Variants in HEPHL1 observed in about 807,000 individuals in gnomAD.
HEPHL1 encodes ferroxidase HEPHL1.
A neutral mutation model predicts 122.0 loss-of-function variants in HEPHL1; 123 were observed. The ratio of observed to expected loss-of-function variants is 1.01; its 90% CI spans 0.87 to 1.17. The LOEUF is 1.17. HEPHL1 is among the 50% of genes most tolerant of loss of function. The probability of loss-of-function intolerance (pLI) is 0.00; values close to 1 mark genes in which losing one functional copy is unlikely to be tolerated. For synonymous variants in HEPHL1, 527 were observed against 508.9 expected, an observed-to-expected ratio of 1.04 and a Z score of -0.48; for missense variants, 1,452 against 1,430.5, an observed-to-expected ratio of 1.01 and a Z score of -0.24.
intron 11 of HEPHL1, among the ~76,000 whole-genome samples, chr11:94,087,377 G>C (rs765279773): frequency 6.6e-6 from 1 of 152,102 alleles, no homozygotes; most frequent in Non-Finnish European, 1.5e-5. Flanking sequence ...CATTTCTAAA[G>C]AGCTTCACAA....
In HEPHL1 at chr11:94,085,082, G is replaced by C. The variant is rs375812317; in HGVS notation, c.1868-895G>C. Among the ~76,000 whole-genome samples, 37 of 152,236 alleles carry C rather than the reference G, an allele frequency of 2.4e-4. No individual in the cohort carries two copies. The East Asian group carries it at 5.8e-3, about 24-fold the overall frequency. ...TATAGGCTTAGTAGAGAGCAGGAGG[G>C]GGGTAGAAATATTTATTTCTCCAAG... is the stretch of plus-strand genomic sequence containing the variant. On this transcript the variant is annotated intron_variant, in intron 10 of 19. Transcript: ENST00000315765.
At chr11:94,046,049 C>A in intron 2 of HEPHL1, 132 bp downstream of exon 2, 1 of 600,718 alleles carries the variant, frequency 1.7e-6, no homozygotes, top group South Asian at 2.1e-5. Context: ...GCTTCTCCAT[C>A]CATCTCCATC....
chr11:94,104,887 T>G (rs902230216), intron 16 of HEPHL1, 137 bp downstream of exon 16: 4 of 691,942 alleles, frequency 5.8e-6, no homozygotes, highest in African/African-American at 3.6e-5. Flanking sequence ...AGTCCTCTAA[T>G]GCTTTCCTTC....
intron 13 of HEPHL1, among the ~76,000 whole-genome samples, chr11:94,094,184 T>A (rs1946289632): frequency 6.6e-6 from 1 of 151,514 alleles, no homozygotes; most frequent in Non-Finnish European, 1.5e-5. Flanking sequence ...GTGTGTGATG[T>A]TCCCCTTCCT....
chr11:94,098,619 A>G (rs1160248818), intron 13 of HEPHL1, among the ~76,000 whole-genome samples: 1 of 152,138 alleles, frequency 6.6e-6, no homozygotes, highest in African/African-American at 2.4e-5. Context: ...TTCCAACTTG[A>G]TTCCATTCTC....
intron 1 of HEPHL1, among the ~76,000 whole-genome samples, chr11:94,025,509 T>G (rs1945616656): frequency 6.6e-6 from 1 of 152,198 alleles, no homozygotes; most frequent in Admixed American, 6.5e-5. Flanking sequence ...TTCAGCCTTT[T>G]TCTTCCCAGT....
At chr11:94,036,986 C>G (rs1298871896) in intron 1 of HEPHL1, among the ~76,000 whole-genome samples, 1 of 152,180 alleles carries the variant, frequency 6.6e-6, no homozygotes, top group Admixed American at 6.5e-5. Flanking sequence ...GAGTGCCAGA[C>G]AGTGGGCGCA....
At chr11:94,049,699 C>G (rs1363442154) in intron 2 of HEPHL1, among the ~76,000 whole-genome samples, 1 of 151,290 alleles carries the variant, frequency 6.6e-6, no homozygotes, top group Non-Finnish European at 1.5e-5. Flanking sequence ...GATCTATATA[C>G]TTATCCTTGG....
chr11:94,100,396 C>T (rs575949278), intron 13 of HEPHL1, among the ~76,000 whole-genome samples: 17 of 152,206 alleles, frequency 1.1e-4, no homozygotes, highest in Admixed American at 8.5e-4. Context: ...AGTCTACTGA[C>T]CATGAAGCAG....
intron 1 of HEPHL1, among the ~76,000 whole-genome samples, chr11:94,032,660 G>T (rs558001233): frequency 6.6e-6 from 1 of 152,092 alleles, no homozygotes. Context: ...GCCTGACCAG[G>T]AATGTCAGGT....
intron 4 of HEPHL1, among the ~76,000 whole-genome samples, chr11:94,066,072 C>A (rs1250534902): frequency 6.6e-6 from 1 of 152,088 alleles, no homozygotes; most frequent in East Asian, 1.9e-4. Context: ...GTGGCACATG[C>A]CTGTGGTCCC....
intron 13 of HEPHL1, among the ~76,000 whole-genome samples, chr11:94,094,458 T>C (rs138626734): frequency 0.11 from 16,776 of 152,216 alleles, 968 homozygotes; most frequent in Admixed American, 0.14. Flanking sequence ...ACAATAAACA[T>C]ACATGTGCAT....
At chr11:94,030,223 C>A (rs1383431890) in intron 1 of HEPHL1, among the ~76,000 whole-genome samples, 2 of 152,186 alleles carry the variant, frequency 1.3e-5, no homozygotes, top group Non-Finnish European at 2.9e-5. Flanking sequence ...TACTGGGTGA[C>A]CCATTGTCAG....
In HEPHL1 at chr11:94,093,971, G is replaced by GATAGATAGATATATATATATATAT. The variant is rs71036310; in HGVS notation, c.2434+334_2434+335insGATAGATATATATATATATATATA. On this transcript the variant is annotated intron_variant, in intron 13 of 19. Transcript: ENST00000315765. ...AAATTTTCTTTTAAATCCTCCAGCA[G>GATAGATAGATATATATATATATAT]ATATATATATATATATATATATATA... is the stretch of plus-strand genomic sequence containing the variant. Among the ~76,000 whole-genome samples, 13 of 72,740 alleles carry GATAGATAGATATATATATATATAT rather than the reference G, an allele frequency of 1.8e-4. 1 individual carries two copies. The highest frequency in any genetic ancestry group is 2.5e-4 in the Non-Finnish European group (9 of 35,364). The allele number at this position is 72,740 out of a possible 152,430, so 47.7% of individuals were successfully genotyped here.
chr11:94,044,308 C>G (rs1945814663), intron 1 of HEPHL1, among the ~76,000 whole-genome samples: 1 of 152,134 alleles, frequency 6.6e-6, no homozygotes, highest in African/African-American at 2.4e-5. Context: ...ATGTCCACCC[C>G]TTTTCTTCTA....
rs777391794 is a variant in HEPHL1, at chr11:94,104,641, T to A, written c.2796T>A (p.Phe932Leu). The A allele has an allele frequency of 6.2e-7, 1 of 1,613,724 alleles. No individual in the cohort carries two copies. Among genetic ancestry groups the A allele is most frequent in the Non-Finnish European group, 8.5e-7 (1 of 1,179,656 alleles). The change falls in exon 16 of 20, where the codon TTT (phenylalanine) becomes TTA (leucine). Residue 932 changes from phenylalanine (F) to leucine (L), a missense_variant. Transcript: ENST00000315765. ...DYEFALLFLVFNENESWYLDD... is the reference protein window; with the variant it reads ...DYEFALLFLVLNENESWYLDD... ...AATTTGCTCTCTTGTTTTTGGTATTTAATGAGAATGAATCCTGGTATCTGG... is the reference window on the plus strand; with the variant it reads ...AATTTGCTCTCTTGTTTTTGGTATTAAATGAGAATGAATCCTGGTATCTGG...
At chr11:94,098,044 T>C (rs1946333399) in intron 13 of HEPHL1, among the ~76,000 whole-genome samples, 1 of 152,258 alleles carries the variant, frequency 6.6e-6, no homozygotes, top group Non-Finnish European at 1.5e-5. Flanking sequence ...ATGTGTGAAT[T>C]TGATCCTGTC....
intron 3 of HEPHL1, 34 bp downstream of exon 3, chr11:94,063,754 T>C: frequency 6.4e-7 from 1 of 1,557,874 alleles, no homozygotes; most frequent in Non-Finnish European, 8.8e-7. Flanking sequence ...ACTAGGGAGT[T>C]GAAATGTGAA....
Position 94,070,417 on chromosome 11 carries a change from T to C in HEPHL1, c.1107T>C (p.Asp369=). The C allele has an allele frequency of 6.2e-7, 1 of 1,604,270 alleles. No individual in the cohort carries two copies. Among genetic ancestry groups the C allele is most frequent in the Non-Finnish European group, 8.5e-7 (1 of 1,174,930 alleles). ...ACAATGTTGATAACTGCAAAAGTGATATTTTCTACCCCAAGATGAAGGGTC... is the reference window on the plus strand; with the variant it reads ...ACAATGTTGATAACTGCAAAAGTGACATTTTCTACCCCAAGATGAAGGGTC... The part of the protein sequence containing the change: ...GQYNVDNCKS[D]IFYPKMKGQQ... The change falls in exon 6 of 20, where the codon GAT becomes GAC. Residue 369 remains aspartate, a synonymous_variant. Coordinates refer to ENST00000315765, the MANE Select transcript of HEPHL1 (RefSeq NM_001098672.2).
Sources: allele counts gnomAD v4.1 joint callset (sites outside exome capture counted in the v4.1 genomes callset), GRCh38; gene constraint gnomAD v4.1.1; transcripts MANE v1.5; gene names NCBI Gene and HGNC (gene_info 2026-07-23, HGNC 2026-07-21).